NPIPA5: variants seen among roughly 807,000 people sequenced by gnomAD.
The protein encoded by NPIPA5 is nuclear pore complex-interacting protein family member A5.
Under a neutral mutation model 21.4 loss-of-function variants are expected in NPIPA5, and 6 were observed. The observed-to-expected ratio is 0.28, with a 90% CI of 0.15 to 0.55. The LOEUF is 0.55. Ranked by LOEUF, NPIPA5 falls within the 20% of genes least tolerant of loss-of-function variation. The pLI, the probability that NPIPA5 is intolerant of heterozygous loss-of-function variation, is 0.93. For missense variants in NPIPA5, 99 were observed against 318.2 expected, an observed-to-expected ratio of 0.31 and a Z score of 5.24; for synonymous variants, 33 against 115.3, an observed-to-expected ratio of 0.29 and a Z score of 4.57.
chr16:15,370,916 G>C (rs929096640), intron 2 of NPIPA5, among the ~76,000 whole-genome samples: 2 of 140,098 alleles, frequency 1.4e-5, no homozygotes, highest in African/African-American at 5.1e-5. Flanking sequence ...GCATGGTGGC[G>C]CACGCCTGTA....
chr16:15,372,772 T>C (rs1318626610), intron 2 of NPIPA5, among the ~76,000 whole-genome samples: 1 of 145,030 alleles, frequency 6.9e-6, no homozygotes, highest in African/African-American at 2.5e-5. Context: ...GACAACCACA[T>C]TTTTACTGTC....
chr16:15,379,613 G>C (rs981261246), upstream of NPIPA5, among the ~76,000 whole-genome samples: 13 of 151,514 alleles, frequency 8.6e-5, no homozygotes, highest in South Asian at 4.2e-4. Context: ...GTTAACAAAA[G>C]TATGGAATTC....
intron 4 of NPIPA5, among the ~76,000 whole-genome samples, chr16:15,369,135 G>C (rs1368262362): frequency 1.4e-5 from 2 of 147,700 alleles, no homozygotes; most frequent in African/African-American, 5.0e-5. Flanking sequence ...CTGGGCGACA[G>C]AGCGAGACTC....
At chr16:15,366,070 GAAAAAC>G (rs1451480927) in intron 5 of NPIPA5, among the ~76,000 whole-genome samples, 1 of 37,472 alleles carries the variant, frequency 2.7e-5, no homozygotes, top group Admixed American at 4.5e-4. Flanking sequence ...CTCCATCTCA[GAAAAAC>G]AAAAACAAAA....
rs1280304191 is a variant in NPIPA5, at chr16:15,369,271, C to T, written c.437+441G>A. On this transcript the variant is annotated intron_variant, in intron 4 of 7. Transcript: ENST00000360151. ...AGAAGTTCGAGACCAGTCTGGACAA[C>T]ATGGTGAAACCCCATCTCTAGTAAA... 1.7e-4 allele frequency among the ~76,000 whole-genome samples: 25 copies of T among 148,172 alleles called. 1 individual carries two copies. The highest frequency in any genetic ancestry group is 6.1e-4 in the African/African-American group (25 of 40,720).
chr16:15,366,867 C>T, intron 4 of NPIPA5, 107 bp from the exon 5 acceptor site: 5 of 1,516,290 alleles, frequency 3.3e-6, no homozygotes, highest in Non-Finnish European at 4.4e-6. Context: ...CTGCAACCTT[C>T]CCACAAATGA....
chr16:15,377,624 TGGGGAG>T (rs1200256917), intron 1 of NPIPA5, among the ~76,000 whole-genome samples: 1 of 68,316 alleles, frequency 1.5e-5, no homozygotes, highest in African/African-American at 6.1e-5. Context: ...GGATCTGAGT[TGGGGAG>T]GGGGAGGGGA....
At chr16:15,380,473 C>T (rs1196043226), upstream of NPIPA5, among the ~76,000 whole-genome samples, 1 of 151,972 alleles carries the variant, frequency 6.6e-6, no homozygotes, top group Non-Finnish European at 1.5e-5. Context: ...CAGGCTGACA[C>T]CACCATGCCC....
At chr16:15,378,013 C>T (rs1476558530) in intron 1 of NPIPA5, among the ~76,000 whole-genome samples, 1 of 144,778 alleles carries the variant, frequency 6.9e-6, no homozygotes, top group East Asian at 2.4e-4. Context: ...CCCGCATCAT[C>T]CCAATGACCC....
At chr16:15,371,550 T>C (rs2050155460) in intron 2 of NPIPA5, among the ~76,000 whole-genome samples, 1 of 145,852 alleles carries the variant, frequency 6.9e-6, no homozygotes, top group South Asian at 2.3e-4. Context: ...TCAACCATGC[T>C]GAAGTGCAGT....
intron 4 of NPIPA5, among the ~76,000 whole-genome samples, chr16:15,368,978 CAAAAAAAAAAAAA>C (rs58185103): frequency 7.9e-5 from 2 of 25,460 alleles, no homozygotes; most frequent in African/African-American, 1.7e-4. Flanking sequence ...GACTCTGTCT[CAAAAAAAAAAAAA>C]AAAAAAAAAA....
upstream of NPIPA5, chr16:15,381,368 G>A (rs371876108): frequency 1.1e-4 from 55 of 515,808 alleles, no homozygotes; most frequent in Admixed American, 1.9e-4. Flanking sequence ...TCATCATTTC[G>A]GTCATAATTA....
At position 15,366,645 on chromosome 16, in the gene NPIPA5, G is replaced by A; in HGVS notation, c.545+8C>T. On this transcript the variant is annotated splice_region_variant and intron_variant, in intron 5 of 7. Coordinates refer to ENST00000360151, the MANE Select transcript of NPIPA5 (RefSeq NM_001277325.2). ...CCCAAGAGGGTGGGGTTCAGTTTCT[G>A]AACTCACATGTAGGTGTGTATTTCT... 1.4e-6 allele frequency: 1 copy of A among 695,934 alleles called. No homozygotes were observed. Among genetic ancestry groups the A allele is most frequent in the East Asian group, 2.8e-5 (1 of 36,328 alleles). 43.1% of individuals were successfully genotyped at this position (695,934 alleles called of 1,614,324 possible). A position where few individuals can be genotyped will look rare whatever the true frequency, so the allele number is the denominator to read the frequency against.
upstream of NPIPA5, among the ~76,000 whole-genome samples, chr16:15,380,191 G>A (rs954477180): frequency 7.2e-5 from 11 of 152,016 alleles, no homozygotes; most frequent in Admixed American, 1.3e-4. Context: ...TAAAATAAAT[G>A]TGATGTGGTT....
chr16:15,376,695 T>C (rs2050303758), intron 1 of NPIPA5, among the ~76,000 whole-genome samples: 1 of 152,166 alleles, frequency 6.6e-6, no homozygotes, highest in Non-Finnish European at 1.5e-5. Flanking sequence ...GGCAGGCGGA[T>C]CACGAGGTCA....
At position 15,363,970 on chromosome 16, in the gene NPIPA5, G is replaced by T. The variant is rs778362801; in HGVS notation, c.742C>A (p.Pro248Thr). The T allele has an allele frequency of 1.3e-6, 2 of 1,590,718 alleles. No homozygotes were observed. The highest frequency in any genetic ancestry group is 2.2e-5 in the South Asian group (2 of 90,688). Reference sequence around the variant, plus strand: ...ATAGAATGTTGTTGAGTTGGAGGAGGTGGCTGGTGGCCCATCCTGTTTTTT... The same window carrying T: ...ATAGAATGTTGTTGAGTTGGAGGAGTTGGCTGGTGGCCCATCCTGTTTTTT... ...TLKNRMGHQPPPPTQQHSIID... is the reference protein window; with the variant it reads ...TLKNRMGHQPTPPTQQHSIID... The change falls in exon 8 of 8, where the codon CCT becomes ACT. Residue 248 changes from proline to threonine, a missense_variant. Pro to Thr is a conservative substitution (Grantham distance 38). Coordinates refer to ENST00000360151, the MANE Select transcript of NPIPA5 (RefSeq NM_001277325.2).
At chr16:15,367,235 G>A (rs892454609) in intron 4 of NPIPA5, among the ~76,000 whole-genome samples, 2 of 152,130 alleles carry the variant, frequency 1.3e-5, no homozygotes, top group Admixed American at 1.3e-4. Context: ...CCGGAACTGA[G>A]ACCATCAGCC....
At chr16:15,370,356 G>A (rs62037827) in intron 2 of NPIPA5, among the ~76,000 whole-genome samples, 6,980 of 142,056 alleles carry the variant, frequency 0.049, 464 homozygotes, top group Non-Finnish European at 0.068. Flanking sequence ...AAGCTGGGAG[G>A]TGGAGGTTGC....
At chr16:15,381,136 T>C (rs986114225), upstream of NPIPA5, 55 of 1,524,544 alleles carry the variant, frequency 3.6e-5, no homozygotes, top group Non-Finnish European at 4.6e-5. Context: ...AAAAACAAGG[T>C]GATGTTTGAG....
Sources: gnomAD v4.1 joint callset for allele counts (sites outside exome capture counted in the v4.1 genomes callset) on GRCh38, gnomAD v4.1.1 for gene constraint, MANE v1.5 for transcripts, NCBI Gene and HGNC (gene_info 2026-07-23, HGNC 2026-07-21) for gene names.